The following DOCK8 variants were observed in gnomAD, a reference collection of about 807,000 sequenced individuals.
DOCK8 encodes dedicator of cytokinesis 8, also known as dedicator of cytokinesis protein 8.
A neutral mutation model predicts 245.6 loss-of-function variants in DOCK8; 141 were observed. The observed-to-expected ratio is 0.57, with a 90% CI of 0.50 to 0.66. DOCK8 has a LOEUF of 0.66. DOCK8 is among the 30% of genes least tolerant of loss of function. The pLI is 0.00. For synonymous variants in DOCK8, 1,168 were observed against 970.2 expected (o/e 1.20, Z -3.79); for missense variants, 2,965 against 2,603.4 (o/e 1.14, Z -3.02).
At chr9:428,539 A>G in intron 35 of DOCK8, 43 bp downstream of exon 35, 1 of 1,611,794 alleles carries the variant, frequency 6.2e-7, no homozygotes, top group Non-Finnish European at 8.5e-7. Flanking sequence ...ATTAAGAGTA[A>G]GATTCTCATC....
At chr9:244,592 A>G (rs10965867) in intron 1 of DOCK8, among the ~76,000 whole-genome samples, 1 of 152,100 alleles carries the variant, frequency 6.6e-6, no homozygotes, top group Non-Finnish European at 1.5e-5. Context: ...TGTTTTGCTC[A>G]CCTTTGAATT....
At chr9:256,604 G>C (rs1007462574) in intron 1 of DOCK8, among the ~76,000 whole-genome samples, 5 of 152,084 alleles carry the variant, frequency 3.3e-5, no homozygotes, top group African/African-American at 1.2e-4. Flanking sequence ...GTGGGGTCTG[G>C]GTACTTTTCC....
intron 8 of DOCK8, 34 bp downstream of exon 8, chr9:325,771 A>G: frequency 6.4e-7 from 1 of 1,550,436 alleles, no homozygotes; most frequent in Admixed American, 1.7e-5. Context: ...TCCCTAAGGC[A>G]CATATATTGT....
At chr9:420,897 A>C in intron 31 of DOCK8, 52 bp from the exon 32 acceptor site, 3 of 1,610,074 alleles carry the variant, frequency 1.9e-6, no homozygotes, top group South Asian at 1.1e-5. Context: ...AACTCTCCCC[A>C]TCAACGGAGA....
chr9:315,999 C>T (rs2050328753), intron 6 of DOCK8, among the ~76,000 whole-genome samples: 1 of 151,298 alleles, frequency 6.6e-6, no homozygotes, highest in Non-Finnish European at 1.5e-5. Context: ...CTCAGCCATT[C>T]CACCCAGCAA....
At chr9:228,746 A>G (rs1005640612) in intron 1 of DOCK8, among the ~76,000 whole-genome samples, 4 of 152,196 alleles carry the variant, frequency 2.6e-5, no homozygotes, top group African/African-American at 4.8e-5. Context: ...TAAAACAGCC[A>G]TTATTATTTC....
chr9:277,569 GGA>G (rs2048410079), intron 2 of DOCK8, among the ~76,000 whole-genome samples: 1 of 151,820 alleles, frequency 6.6e-6, no homozygotes, highest in Non-Finnish European at 1.5e-5. Context: ...GGAGGCGAGA[GGA>G]CAAGAGAAGA....
chr9:281,266 T>G (rs2048571982), intron 2 of DOCK8, among the ~76,000 whole-genome samples: 1 of 152,082 alleles, frequency 6.6e-6, no homozygotes, highest in Non-Finnish European at 1.5e-5. Context: ...AAAAAGTAGT[T>G]TTGGTTTTTA....
At chr9:362,556 G>C (rs2052779348) in intron 14 of DOCK8, among the ~76,000 whole-genome samples, 2 of 152,306 alleles carry the variant, frequency 1.3e-5, no homozygotes, top group African/African-American at 4.8e-5. Flanking sequence ...CCAGCTGATA[G>C]GGGCCTTCAC....
chr9:259,556 A>C (rs2047866984), intron 1 of DOCK8, among the ~76,000 whole-genome samples: 1 of 152,188 alleles, frequency 6.6e-6, no homozygotes, highest in Admixed American at 6.5e-5. Flanking sequence ...TTAAATAGGG[A>C]TGATAAACCT....
At chr9:251,672 C>G (rs2047649466) in intron 1 of DOCK8, among the ~76,000 whole-genome samples, 1 of 152,128 alleles carries the variant, frequency 6.6e-6, no homozygotes, top group Non-Finnish European at 1.5e-5. Flanking sequence ...GTCTCTTAAC[C>G]TTTCTTGGCT....
intron 18 of DOCK8, among the ~76,000 whole-genome samples, 199 bp downstream of exon 18, chr9:372,485 A>G (rs1318144088): frequency 6.6e-6 from 1 of 152,194 alleles, no homozygotes; most frequent in African/African-American, 2.4e-5. Context: ...TGTTCAGTAG[A>G]CGCAACCTAC....
At chr9:325,355 A>G (rs182026640) in intron 7 of DOCK8, among the ~76,000 whole-genome samples, 277 of 152,294 alleles carry the variant, frequency 1.8e-3, no homozygotes, top group Non-Finnish European at 3.2e-3. Context: ...CAGTAGTTAC[A>G]ATAAGAAGGT....
At chr9:314,593 C>T (rs2296823) in intron 6 of DOCK8, 60,740 of 151,960 alleles carry the variant, frequency 0.4, 12,616 homozygotes, top group East Asian at 0.7. Context: ...AGAAGTGCTT[C>T]GTAATTAGTG....
At chr9:379,338 C>A (rs1413645327) in intron 20 of DOCK8, among the ~76,000 whole-genome samples, 3 of 152,000 alleles carry the variant, frequency 2.0e-5, no homozygotes, top group Non-Finnish European at 4.4e-5. Context: ...TCATAGTGTC[C>A]ACAACAGTCA....
chr9:215,386 G>A (rs2046725178), intron 1 of DOCK8: 8 of 1,584,540 alleles, frequency 5.0e-6, no homozygotes, highest in Non-Finnish European at 6.9e-6. Context: ...GCGCGCCACG[G>A]AGTGTCTCAT....
chr9:406,815 C>T, intron 27 of DOCK8, 115 bp from the exon 28 acceptor site: 1 of 1,355,002 alleles, frequency 7.4e-7, no homozygotes, highest in South Asian at 1.2e-5. Context: ...GAGTACCTAC[C>T]TCACTGGGGA....
intron 2 of DOCK8, 84 bp downstream of exon 2, chr9:271,813 C>A: frequency 2.3e-6 from 2 of 886,902 alleles, no homozygotes; most frequent in South Asian, 1.5e-5. Flanking sequence ...TTCCTTAGAT[C>A]TTCCTACCAT....
At chr9:455,365 G>A (rs932520468) in intron 46 of DOCK8, among the ~76,000 whole-genome samples, 1 of 152,012 alleles carries the variant, frequency 6.6e-6, no homozygotes, top group African/African-American at 2.4e-5. Context: ...ATTTAGCCAA[G>A]CGTGGTAGTG....
Sources: gnomAD v4.1 joint callset for allele counts (sites outside exome capture counted in the v4.1 genomes callset) on GRCh38, gnomAD v4.1.1 for gene constraint, MANE v1.5 for transcripts, NCBI Gene and HGNC (gene_info 2026-07-23, HGNC 2026-07-21) for gene names.